The following TMEFF2 variants were observed in gnomAD, a reference collection of about 807,000 sequenced individuals.
The protein encoded by TMEFF2 is tomoregulin-2.
In TMEFF2, 28 loss-of-function variants were observed where a neutral mutation model predicts 53.8. That is an observed-to-expected ratio of 0.52 (90% CI 0.39 to 0.71). TMEFF2 has a LOEUF of 0.71. Ranked by LOEUF, TMEFF2 falls within the 30% of genes least tolerant of loss-of-function variation. TMEFF2 has a pLI of 0.00. For missense variants in TMEFF2, 353 were observed against 455.2 expected (o/e 0.78, Z 2.04); for synonymous variants, 162 against 166.3 (o/e 0.97, Z 0.20).
chr2:192,147,703 T>C (rs1040129433), intron 4 of TMEFF2, among the ~76,000 whole-genome samples: 2 of 152,064 alleles, frequency 1.3e-5, no homozygotes, highest in Non-Finnish European at 2.9e-5. Context: ...CCCTTTCATC[T>C]TACTATAATC....
intron 5 of TMEFF2, among the ~76,000 whole-genome samples, chr2:192,053,231 CT>C (rs944794697): frequency 1.2e-4 from 19 of 152,202 alleles, no homozygotes; most frequent in African/African-American, 4.3e-4. Context: ...TATTCTCCTT[CT>C]CTTTCCCCTA....
intron 5 of TMEFF2, among the ~76,000 whole-genome samples, chr2:192,031,097 C>T (rs75004371): frequency 0.015 from 2,289 of 152,262 alleles, 48 homozygotes; most frequent in African/African-American, 0.053. Context: ...TAAAATATTG[C>T]TGCCTTAGGA....
At position 192,075,307 on chromosome 2, in the gene TMEFF2, ATATAT is replaced by A. The variant is rs1559115086; in HGVS notation, c.440-17537_440-17533del. ...CTATTATATATATATATATATATAT[ATATAT>A]ATATATATATATATATATATACATA... is the stretch of plus-strand genomic sequence containing the variant. On this transcript the variant is annotated intron_variant, in intron 4 of 9. Coordinates refer to ENST00000272771, the MANE Select transcript of TMEFF2 (RefSeq NM_016192.4). Among the ~76,000 whole-genome samples the A allele has an allele frequency of 1.5e-3, 92 of 62,332 alleles. 4 individuals are homozygous for A. Among genetic ancestry groups the A allele is most frequent in the African/African-American group, 4.3e-3 (91 of 20,928 alleles). The allele number at this position is 62,332 out of a possible 152,430, so 40.9% of individuals were successfully genotyped here. A position where few individuals can be genotyped will look rare whatever the true frequency, so the allele number is the denominator to read the frequency against.
At chr2:192,013,048 T>A (rs1369805237) in intron 5 of TMEFF2, among the ~76,000 whole-genome samples, 1 of 152,192 alleles carries the variant, frequency 6.6e-6, no homozygotes, top group African/African-American at 2.4e-5. Context: ...TTTCCTCAAG[T>A]CAGTTCATGC....
chr2:192,110,951 A>T (rs188153336), intron 4 of TMEFF2, among the ~76,000 whole-genome samples: 6 of 152,164 alleles, frequency 3.9e-5, no homozygotes, highest in Admixed American at 2.6e-4. Flanking sequence ...CTTTGCTCTC[A>T]TTCTCTCTCT....
chr2:192,080,314 T>C (rs1033097488), intron 4 of TMEFF2, among the ~76,000 whole-genome samples: 3 of 152,196 alleles, frequency 2.0e-5, no homozygotes, highest in African/African-American at 7.2e-5. Flanking sequence ...CCCCATGCTA[T>C]TCTCCTGATA....
rs796267672 is a variant in TMEFF2, at chr2:192,075,332, T to TATATACAC, written c.440-17558_440-17557insGTGTATAT. On this transcript the variant is annotated intron_variant, in intron 4 of 9. Transcript: ENST00000272771. Reference sequence around the variant, plus strand: ...ATATATATATATATATATATATATATACATACATACTATGTATATCCTTGC... The same window carrying TATATACAC: ...ATATATATATATATATATATATATATATATACACACATACATACTATGTATATCCTTGC... 4.5e-5 allele frequency among the ~76,000 whole-genome samples: 4 copies of TATATACAC among 88,144 alleles called. 1 individual carries two copies. The highest frequency in any genetic ancestry group is 1.6e-4 in the African/African-American group (4 of 24,412). The allele number at this position is 88,144 out of a possible 152,430, so 57.8% of individuals were successfully genotyped here. A position where few individuals can be genotyped will look rare whatever the true frequency, so the allele number is the denominator to read the frequency against.
intron 4 of TMEFF2, among the ~76,000 whole-genome samples, chr2:192,100,746 A>T (rs1317490846): frequency 6.6e-6 from 1 of 152,152 alleles, no homozygotes; most frequent in Non-Finnish European, 1.5e-5. Flanking sequence ...GCATGTTGAC[A>T]ATCTTTTTAA....
intron 3 of TMEFF2, among the ~76,000 whole-genome samples, chr2:192,183,855 C>A (rs1223615620): frequency 6.6e-6 from 1 of 152,018 alleles, no homozygotes; most frequent in Non-Finnish European, 1.5e-5. Context: ...ATGTCCATTA[C>A]AAACACATTA....
chr2:191,995,932 C>T lies in TMEFF2; in HGVS notation c.745+2330G>A, dbSNP rs567218945. Among the ~76,000 whole-genome samples, 3 of 151,872 alleles carry T rather than the reference C, an allele frequency of 2.0e-5. No individual in the cohort carries two copies. In the South Asian group the frequency reaches 6.2e-4, roughly 32 times the overall value. On this transcript the variant is annotated intron_variant, in intron 7 of 9. Coordinates refer to ENST00000272771, the MANE Select transcript of TMEFF2 (RefSeq NM_016192.4). ...TAAATCTGACACCAAACTAGAAGAT[C>T]CTGGACTACAATGAGTGACAGAAGA... is the stretch of plus-strand genomic sequence containing the variant.
intron 4 of TMEFF2, among the ~76,000 whole-genome samples, chr2:192,097,154 A>C (rs894490789): frequency 6.6e-6 from 1 of 152,250 alleles, no homozygotes; most frequent in Non-Finnish European, 1.5e-5. Flanking sequence ...TATTGAGATG[A>C]TTTAACAAAA....
chr2:192,054,934 C>T (rs750959907), intron 5 of TMEFF2, among the ~76,000 whole-genome samples: 8 of 151,320 alleles, frequency 5.3e-5, no homozygotes, highest in Non-Finnish European at 8.8e-5. Context: ...CCATAGTAAA[C>T]AACCAATAAT....
rs138927039 is a variant in TMEFF2, at chr2:192,141,106, C to T, written c.439+38562G>A. 4.8e-3 allele frequency among the ~76,000 whole-genome samples: 731 copies of T among 151,966 alleles called. 4 individuals carry two copies. The highest frequency in any genetic ancestry group is 0.012 in the African/African-American group (481 of 41,456). ...ACTTATAGGTATGTCCTCTAAGAAC[C>T]GAGAGGGTCCTGGAACCAGAGAAGG... On this transcript the variant is annotated intron_variant, in intron 4 of 9. Coordinates refer to ENST00000272771, the MANE Select transcript of TMEFF2 (RefSeq NM_016192.4).
At chr2:192,096,652 C>CCTTT (rs57769211) in intron 4 of TMEFF2, among the ~76,000 whole-genome samples, 2 of 99,224 alleles carry the variant, frequency 2.0e-5, no homozygotes, top group South Asian at 4.1e-4. Context: ...TTCCTTCCTT[C>CCTTT]TCTCTCTCTC....
Position 191,956,260 on chromosome 2 carries a change from A to G in TMEFF2, c.864T>C (p.Ser288=). 1.2e-6 allele frequency: 2 copies of G among 1,608,426 alleles called. No homozygotes were observed. The highest frequency in any genetic ancestry group is 1.7e-6 in the Non-Finnish European group (2 of 1,178,240). ...CEHSINMQEP[S]CRCDAGYTGQ... is the part of the protein sequence containing the mutation. ...CTTGCGAGTAAAAATGTTACCTGCA[A>G]GATGGCTCCTGCATATTGATAGAAT... Residue 288 remains serine, a synonymous_variant, in exon 8 of 10, where the codon TCT becomes TCC. Coordinates refer to ENST00000272771, the MANE Select transcript of TMEFF2 (RefSeq NM_016192.4).
chr2:192,131,947 A>T (rs1038543248), intron 4 of TMEFF2, among the ~76,000 whole-genome samples: 1 of 152,148 alleles, frequency 6.6e-6, no homozygotes, highest in Non-Finnish European at 1.5e-5. Context: ...ACGTCCAGGC[A>T]TTCTTTTACA....
chr2:192,166,601 T>G (rs1690774340), intron 4 of TMEFF2, among the ~76,000 whole-genome samples: 1 of 152,136 alleles, frequency 6.6e-6, no homozygotes, highest in Non-Finnish European at 1.5e-5. Context: ...AGGCTTTAAG[T>G]ACCTCTAGTC....
chr2:192,070,398 A>G (rs1202361551), intron 4 of TMEFF2, among the ~76,000 whole-genome samples: 1 of 151,848 alleles, frequency 6.6e-6, no homozygotes, highest in East Asian at 1.9e-4. Flanking sequence ...GAAGCCAATG[A>G]GGTATTTCTA....
chr2:192,004,248 C>T (rs1181648624), intron 5 of TMEFF2, among the ~76,000 whole-genome samples: 1 of 152,122 alleles, frequency 6.6e-6, no homozygotes, highest in East Asian at 1.9e-4. Context: ...AGAACTAAGG[C>T]TCACTGTCCT....
Sources: gnomAD v4.1 joint callset for allele counts (sites outside exome capture counted in the v4.1 genomes callset) on GRCh38, gnomAD v4.1.1 for gene constraint, MANE v1.5 for transcripts, NCBI Gene and HGNC (gene_info 2026-07-23, HGNC 2026-07-21) for gene names.